AMPH: variants seen among roughly 807,000 people sequenced by gnomAD.
AMPH encodes the protein amphiphysin (Stiff-Mann syndrome with breast cancer 128kD autoantigen).
In AMPH, 49 loss-of-function variants were observed where a neutral mutation model predicts 99.1. The observed-to-expected ratio is 0.49, with a 90% confidence interval of 0.39 to 0.63. AMPH has a LOEUF of 0.63. AMPH is among the 20% of genes least tolerant of loss of function. The probability of loss-of-function intolerance (pLI) is 0.00; values close to 1 mark genes in which losing one functional copy is unlikely to be tolerated. For missense variants in AMPH, 759 were observed against 863.4 expected (o/e 0.88, Z 1.52); for synonymous variants, 314 against 317.3 (o/e 0.99, Z 0.11).
At chr7:38,577,009 A>T (rs1283730451) in intron 1 of AMPH, among the ~76,000 whole-genome samples, 1 of 152,158 alleles carries the variant, frequency 6.6e-6, no homozygotes, top group Non-Finnish European at 1.5e-5. Context: ...ATTATTTCTT[A>T]AAGAGGATTT....
chr7:38,426,895 T>C (rs1785799897), intron 15 of AMPH, 59 bp downstream of exon 15: 1 of 1,539,326 alleles, frequency 6.5e-7, no homozygotes, highest in African/African-American at 1.4e-5. Flanking sequence ...CCAAACCACA[T>C]TGAAAAAAAT....
intron 2 of AMPH, among the ~76,000 whole-genome samples, chr7:38,532,509 G>A (rs915223228): frequency 1.3e-5 from 2 of 152,140 alleles, no homozygotes; most frequent in African/African-American, 4.8e-5. Flanking sequence ...GGAGAACTAA[G>A]GTGGTAGTCT....
intron 1 of AMPH, among the ~76,000 whole-genome samples, chr7:38,564,985 G>A (rs970028734): frequency 7.2e-5 from 11 of 151,902 alleles, no homozygotes; most frequent in Non-Finnish European, 1.2e-4. Context: ...TTAGCCGGGC[G>A]TGGTGGCGGG....
intron 2 of AMPH, among the ~76,000 whole-genome samples, chr7:38,527,039 T>C (rs6957726): frequency 0.61 from 93,341 of 152,162 alleles, 29,243 homozygotes; most frequent in African/African-American, 0.75. Flanking sequence ...CACTGAATTG[T>C]TTTTAAACCT....
chr7:38,401,821 A>G (rs1212314614), intron 17 of AMPH, among the ~76,000 whole-genome samples: 2 of 152,184 alleles, frequency 1.3e-5, no homozygotes, highest in African/African-American at 2.4e-5. Flanking sequence ...TATGATCCAC[A>G]TGCAGGAATT....
intron 2 of AMPH, among the ~76,000 whole-genome samples, chr7:38,527,884 T>C (rs934797894): frequency 6.6e-6 from 1 of 152,208 alleles, no homozygotes; most frequent in African/African-American, 2.4e-5. Flanking sequence ...TTAGGTTTCT[T>C]TGTAGATGTT....
At chr7:38,491,378 C>T (rs184392849) in intron 4 of AMPH, among the ~76,000 whole-genome samples, 2 of 152,304 alleles carry the variant, frequency 1.3e-5, no homozygotes. Context: ...AACTGTATTT[C>T]TGATTCTAAA....
intron 1 of AMPH, among the ~76,000 whole-genome samples, chr7:38,569,520 G>C (rs1334340850): frequency 2.0e-5 from 3 of 150,988 alleles, no homozygotes; most frequent in South Asian, 4.2e-4. Flanking sequence ...AAGCATAGTA[G>C]AACCGAAACA....
At chr7:38,389,266 G>C (rs901307316) in intron 20 of AMPH, among the ~76,000 whole-genome samples, 1 of 152,122 alleles carries the variant, frequency 6.6e-6, no homozygotes, top group African/African-American at 2.4e-5. Context: ...CCTTACATCA[G>C]ACCACTCTTT....
intron 1 of AMPH, among the ~76,000 whole-genome samples, chr7:38,581,784 T>C (rs1415363357): frequency 6.6e-6 from 1 of 152,158 alleles, no homozygotes; most frequent in African/African-American, 2.4e-5. Flanking sequence ...GCTTGGCTGA[T>C]GGACGAGATG....
chr7:38,406,861 C>T (rs953672781), intron 17 of AMPH, among the ~76,000 whole-genome samples: 2 of 147,278 alleles, frequency 1.4e-5, no homozygotes, highest in Non-Finnish European at 3.0e-5. Flanking sequence ...GGTTCTCAGG[C>T]CTTTGGCATC....
chr7:38,420,970 C>T (rs901907886), intron 16 of AMPH: 5 of 456,480 alleles, frequency 1.1e-5, no homozygotes, highest in East Asian at 6.9e-5. Context: ...CTGGGAAGAT[C>T]GTGTACAATC....
Position 38,631,357 on chromosome 7 carries a change from C to A in AMPH, c.-6G>T, listed in dbSNP as rs1192227589. 1.3e-6 allele frequency: 2 copies of A among 1,547,044 alleles called. No individual in the cohort carries two copies. Among genetic ancestry groups the A allele is most frequent in the Non-Finnish European group, 8.7e-7 (1 of 1,147,894 alleles). On this transcript the variant is annotated 5_prime_UTR_variant, in exon 1 of 21. Coordinates refer to ENST00000356264, the MANE Select transcript of AMPH (RefSeq NM_001635.4). Reference sequence around the variant, plus strand: ...CCCGTCTTGATGTCGGCCATGGCTGCGGGTCCGGGGAGCTGCGAAGAGCAG... The same window carrying A: ...CCCGTCTTGATGTCGGCCATGGCTGAGGGTCCGGGGAGCTGCGAAGAGCAG...
At chr7:38,620,336 ATGTGTG>A (rs3056281) in intron 1 of AMPH, among the ~76,000 whole-genome samples, 2,351 of 145,632 alleles carry the variant, frequency 0.016, 29 homozygotes, top group Non-Finnish European at 0.023. Flanking sequence ...AGATATATAT[ATGTGTG>A]TGTGTGTGTG....
intron 17 of AMPH, among the ~76,000 whole-genome samples, chr7:38,396,703 CT>C (rs1784680688): frequency 6.6e-6 from 1 of 152,212 alleles, no homozygotes; most frequent in Non-Finnish European, 1.5e-5. Flanking sequence ...ACTTTCATCA[CT>C]GTTTTAAATA....
intron 7 of AMPH, among the ~76,000 whole-genome samples, chr7:38,467,909 T>C (rs906027491): frequency 3.9e-5 from 6 of 152,108 alleles, no homozygotes; most frequent in Non-Finnish European, 8.8e-5. Flanking sequence ...CCAATTTAAA[T>C]AGAAGGTGGG....
At chr7:38,471,434 A>T (rs1294822705) in intron 7 of AMPH, among the ~76,000 whole-genome samples, 2 of 152,126 alleles carry the variant, frequency 1.3e-5, no homozygotes, top group Non-Finnish European at 2.9e-5. Flanking sequence ...TTCCTTTTTT[A>T]AAATTGAACC....
At chr7:38,616,484 T>G (rs981023145) in intron 1 of AMPH, among the ~76,000 whole-genome samples, 5 of 152,178 alleles carry the variant, frequency 3.3e-5, no homozygotes, top group African/African-American at 1.2e-4. Flanking sequence ...CATTCCACTC[T>G]CAGGTATTAA....
chr7:38,479,588 A>C (rs996823341), intron 5 of AMPH, among the ~76,000 whole-genome samples: 1 of 152,144 alleles, frequency 6.6e-6, no homozygotes, highest in African/African-American at 2.4e-5. Context: ...AACATGTAAA[A>C]GAAAAATGTA....
Sources: allele counts gnomAD v4.1 joint callset (sites outside exome capture counted in the v4.1 genomes callset), GRCh38; gene constraint gnomAD v4.1.1; transcripts MANE v1.5; gene names NCBI Gene and HGNC (gene_info 2026-07-23, HGNC 2026-07-21).